Variants in PLEKHO2 observed in about 807,000 individuals in gnomAD.
PLEKHO2 encodes pleckstrin homology domain containing O2.
Under a neutral mutation model 32.7 loss-of-function variants are expected in PLEKHO2, and 20 were observed. The observed-to-expected ratio is 0.61, with a 90% CI of 0.43 to 0.89. PLEKHO2 has a LOEUF of 0.89. PLEKHO2 is among the 40% of genes least tolerant of loss of function. The pLI, the probability that PLEKHO2 is intolerant of heterozygous loss-of-function variation, is 0.00. For missense variants in PLEKHO2, 568 were observed against 621.2 expected (o/e 0.91, Z 0.91); for synonymous variants, 247 against 246.3 (o/e 1.00, Z -0.03).
rs747780944 is a variant in PLEKHO2, at chr15:64,855,044, C to T, written c.279+7C>T. 379 of 1,569,100 alleles carry T rather than the reference C, an allele frequency of 2.4e-4. No individual in the cohort carries two copies. The highest frequency in any genetic ancestry group is 3.0e-4 in the Non-Finnish European group (345 of 1,154,684). ...GCGATCCCCAGGGAACAAGGTAGGG[C>T]GATGCCTGCTGCTGCCCCATCTCCC... On this transcript the variant is annotated splice_region_variant and intron_variant, in intron 3 of 5. Coordinates refer to ENST00000323544, the MANE Select transcript of PLEKHO2 (RefSeq NM_025201.5).
intron 2 of PLEKHO2, among the ~76,000 whole-genome samples, chr15:64,854,267 C>T (rs2084591132): frequency 6.6e-6 from 1 of 152,150 alleles, no homozygotes; most frequent in Non-Finnish European, 1.5e-5. Flanking sequence ...ACTGGCCCTC[C>T]TAATGATGAG....
intron 3 of PLEKHO2, among the ~76,000 whole-genome samples, chr15:64,856,392 G>C (rs1226369968): frequency 3.3e-5 from 5 of 152,094 alleles, no homozygotes; most frequent in Non-Finnish European, 5.9e-5. Context: ...CTGGGTGTGT[G>C]TCTTAGTATG....
At chr15:64,856,721 G>A (rs1273205246) in intron 3 of PLEKHO2, among the ~76,000 whole-genome samples, 3 of 152,192 alleles carry the variant, frequency 2.0e-5, no homozygotes, top group Non-Finnish European at 2.9e-5. Flanking sequence ...GGATGAAACA[G>A]TGCATCCTGG....
intron 5 of PLEKHO2, among the ~76,000 whole-genome samples, chr15:64,863,306 A>C: frequency 6.6e-6 from 1 of 151,928 alleles, no homozygotes; most frequent in Non-Finnish European, 1.5e-5. Flanking sequence ...TGCCGGAGGG[A>C]GGGACCCAAG....
rs1309253891 is a variant in PLEKHO2, at chr15:64,866,410, G to C, written c.*522G>C. ...GTAGCTGCAGAGGCCTTGGGTCCAGGCTCTAGGTTCATCCCTCAGTTGGGG... is the reference window on the plus strand; with the variant it reads ...GTAGCTGCAGAGGCCTTGGGTCCAGCCTCTAGGTTCATCCCTCAGTTGGGG... On this transcript the variant is annotated 3_prime_UTR_variant, in exon 6 of 6. Coordinates refer to ENST00000323544, the MANE Select transcript of PLEKHO2 (RefSeq NM_025201.5). 4.4e-5 allele frequency: 20 copies of C among 456,320 alleles called. No homozygotes were observed. Among genetic ancestry groups the C allele is most frequent in the Middle Eastern group, 3.3e-4 (1 of 3,062 alleles). 28.3% of individuals were successfully genotyped at this position (456,320 alleles called of 1,614,324 possible). A position where few individuals can be genotyped will look rare whatever the true frequency, so the allele number is the denominator to read the frequency against.
chr15:64,855,547 C>T (rs1367325173), intron 3 of PLEKHO2, among the ~76,000 whole-genome samples: 1 of 152,222 alleles, frequency 6.6e-6, no homozygotes, highest in Non-Finnish European at 1.5e-5. Flanking sequence ...CAGCTTTCCT[C>T]CCCTTGCACT....
intron 2 of PLEKHO2, among the ~76,000 whole-genome samples, chr15:64,852,883 C>T (rs867088296): frequency 6.6e-6 from 1 of 152,086 alleles, no homozygotes; most frequent in African/African-American, 2.4e-5. Flanking sequence ...CTTGGTGGCT[C>T]ATGCTTGTAA....
At chr15:64,849,565 T>TC (rs1021428464) in intron 2 of PLEKHO2, among the ~76,000 whole-genome samples, 3 of 151,724 alleles carry the variant, frequency 2.0e-5, no homozygotes, top group African/African-American at 7.3e-5. Context: ...TGCCTCAGCC[T>TC]CCCAAGTAGC....
chr15:64,856,002 C>T (rs2084604241), intron 3 of PLEKHO2, among the ~76,000 whole-genome samples: 1 of 151,954 alleles, frequency 6.6e-6, no homozygotes, highest in African/African-American at 2.4e-5. Flanking sequence ...GGTGGGGGCG[C>T]AGAAGCAACC....
chr15:64,853,828 T>C (rs1335183760), intron 2 of PLEKHO2, among the ~76,000 whole-genome samples: 1 of 152,212 alleles, frequency 6.6e-6, no homozygotes, highest in East Asian at 1.9e-4. Context: ...CCTCATTCTT[T>C]CCTTCTAAAA....
chr15:64,860,131 C>T (rs942124077), intron 4 of PLEKHO2, 133 bp downstream of exon 4: 1 of 733,300 alleles, frequency 1.4e-6, no homozygotes, highest in Non-Finnish European at 2.3e-6. Context: ...ATTGTTGTTA[C>T]CTTCTATAGT....
intron 4 of PLEKHO2, among the ~76,000 whole-genome samples, chr15:64,860,953 C>A (rs1018774456): frequency 2.0e-5 from 3 of 152,254 alleles, no homozygotes; most frequent in Non-Finnish European, 2.9e-5. Context: ...CTGGACCTCC[C>A]ATGTGACTCT....
Position 64,865,754 on chromosome 15 carries a change from G to A in PLEKHO2, c.1339G>A (p.Ala447Thr). The change falls in exon 6 of 6, where the codon GCT becomes ACT. Residue 447 changes from alanine (A) to threonine (T), a missense_variant. Transcript: ENST00000323544. ...PVSAETLLSQ[A>T]VEQLRQATQV... ...TAGTGCCGAAACATTGCTCAGCCAG[G>A]CTGTGGAGCAGCTGAGGCAGGCCAC... 6.2e-7 allele frequency: 1 copy of A among 1,614,230 alleles called. No homozygotes were observed.
chr15:64,843,651 G>A (rs1433125494), intron 1 of PLEKHO2, among the ~76,000 whole-genome samples: 1 of 151,380 alleles, frequency 6.6e-6, no homozygotes, highest in Non-Finnish European at 1.5e-5. Flanking sequence ...CGAGATATTG[G>A]CTCACCGCAA....
rs114273447 is a variant in PLEKHO2, at chr15:64,866,664, G to A, written c.*776G>A. ...GTCCCCTAGTCTAGTCTCTGCCCCTGGATAGTGTCCAGCCTTGTATATTTC... is the reference window on the plus strand; with the variant it reads ...GTCCCCTAGTCTAGTCTCTGCCCCTAGATAGTGTCCAGCCTTGTATATTTC... On this transcript the variant is annotated 3_prime_UTR_variant, in exon 6 of 6. Transcript: ENST00000323544. The A allele has an allele frequency of 5.8e-3, 1,691 of 292,470 alleles. 37 individuals carry two copies. The highest frequency in any genetic ancestry group is 0.035 in the African/African-American group (1,596 of 45,480). The allele number at this position is 292,470 out of a possible 1,614,324, so 18.1% of individuals were successfully genotyped here.
At chr15:64,860,941 G>A (rs1008273182) in intron 4 of PLEKHO2, among the ~76,000 whole-genome samples, 1 of 152,238 alleles carries the variant, frequency 6.6e-6, no homozygotes, top group Non-Finnish European at 1.5e-5. Context: ...AGGGTTCTGA[G>A]TCTGGACCTC....
chr15:64,855,107 T>G lies in PLEKHO2; in HGVS notation c.279+70T>G, dbSNP rs150267114. On this transcript the variant is annotated intron_variant, in intron 3 of 5. Coordinates refer to ENST00000323544, the MANE Select transcript of PLEKHO2 (RefSeq NM_025201.5). ...TCAGCTTGGGAGGCCTAAGCAGGTT[T>G]AAGGCAGGCCTGGCCCCTTGAAAAA... is the stretch of plus-strand genomic sequence containing the variant. 1.6e-5 allele frequency: 20 copies of G among 1,263,896 alleles called. No homozygotes were observed. In the East Asian group the frequency reaches 4.5e-4, roughly 29 times the overall value. The allele number at this position is 1,263,896 out of a possible 1,614,324, so 78.3% of individuals were successfully genotyped here.
rs147780306 is a variant in PLEKHO2, at chr15:64,863,519, TTGTGTG to T, written c.484-1351_484-1346del. 3.0e-3 allele frequency among the ~76,000 whole-genome samples: 434 copies of T among 144,966 alleles called. 2 individuals carry two copies. Among genetic ancestry groups the T allele is most frequent in the East Asian group, 7.6e-3 (36 of 4,718 alleles). On this transcript the variant is annotated intron_variant, in intron 5 of 5. Coordinates refer to ENST00000323544, the MANE Select transcript of PLEKHO2 (RefSeq NM_025201.5). ...AGGGAGGCGCTGTGTGTGTGTGTGT[TTGTGTG>T]TGTGTGTGTGTGTGTGTGTGTGTGT...
rs2084695015 is a variant in PLEKHO2 at position 64,867,100 on chromosome 15, G to C, written c.*1212G>C. 6.5e-6 allele frequency: 1 copy of C among 152,710 alleles called. No individual in the cohort carries two copies. The highest frequency in any genetic ancestry group is 1.5e-5 in the Non-Finnish European group (1 of 68,128). The allele number at this position is 152,710 out of a possible 1,614,324, so 9.5% of individuals were successfully genotyped here. Reference sequence around the variant, plus strand: ...AGCTGGACTGAGGGCAGAGCCTGTAGGTGCAGAGGCCCTGGCTCCCGAGGT... The same window carrying C: ...AGCTGGACTGAGGGCAGAGCCTGTACGTGCAGAGGCCCTGGCTCCCGAGGT... On this transcript the variant is annotated 3_prime_UTR_variant, in exon 6 of 6. Transcript: ENST00000323544.
Sources: gnomAD v4.1 joint callset for allele counts (sites outside exome capture counted in the v4.1 genomes callset) on GRCh38, gnomAD v4.1.1 for gene constraint, MANE v1.5 for transcripts, NCBI Gene and HGNC (gene_info 2026-07-23, HGNC 2026-07-21) for gene names.